PLXNB1: variants seen among roughly 807,000 people sequenced by gnomAD.
PLXNB1 encodes plexin B1, also known as plexin-B1.
A neutral mutation model predicts 209.4 loss-of-function variants in PLXNB1; 106 were observed. The ratio of observed to expected loss-of-function variants is 0.51; its 90% CI spans 0.43 to 0.59. The LOEUF (loss-of-function observed/expected upper bound fraction) is 0.59, where lower values mean the gene tolerates loss of function less well. PLXNB1 is among the 20% of genes least tolerant of loss of function. The pLI, the probability that PLXNB1 is intolerant of heterozygous loss-of-function variation, is 0.00. For synonymous variants in PLXNB1, 1,167 were observed against 1,183.2 expected (o/e 0.99, Z 0.28); for missense variants, 2,357 against 2,853.2 (o/e 0.83, Z 3.96).
chr3:48,416,615 A>C lies in PLXNB1; in HGVS notation c.3375-164T>G. 1 of 472,908 alleles carries C rather than the reference A, an allele frequency of 2.1e-6. No homozygotes were observed. Among genetic ancestry groups the C allele is most frequent in the Non-Finnish European group, 3.7e-6 (1 of 269,822 alleles). 29.3% of individuals were successfully genotyped at this position (472,908 alleles called of 1,614,324 possible). A position where few individuals can be genotyped will look rare whatever the true frequency, so the allele number is the denominator to read the frequency against. Reference sequence around the variant, plus strand: ...CACTTTGGAGGGAATTCTTTATGACACATCAGAAGGCCTTGGTATCTGAGA... The same window carrying C: ...CACTTTGGAGGGAATTCTTTATGACCCATCAGAAGGCCTTGGTATCTGAGA... On this transcript the variant is annotated intron_variant, in intron 16 of 37. Coordinates refer to ENST00000296440, the MANE Select transcript of PLXNB1 (RefSeq NM_001130082.3). The surrounding 1 kb of genome is among the most constrained non-coding windows in gnomAD (Gnocchi z 4.1).
At chr3:48,425,883 C>T (rs546622573) in intron 1 of PLXNB1, among the ~76,000 whole-genome samples, 8 of 152,214 alleles carry the variant, frequency 5.3e-5, no homozygotes, top group Admixed American at 2.0e-4. Flanking sequence ...CACAGTGACA[C>T]ACACAGACAC....
intron 37 of PLXNB1, among the ~76,000 whole-genome samples, chr3:48,404,962 A>G (rs2037224941): frequency 6.6e-6 from 1 of 152,150 alleles, no homozygotes; most frequent in African/African-American, 2.4e-5. Flanking sequence ...CGTGGTGGGA[A>G]AACAGACACT....
chr3:48,411,908 C>A lies in PLXNB1; in HGVS notation c.5202G>T (p.Leu1734Phe). 6.2e-7 allele frequency: 1 copy of A among 1,614,174 alleles called. No homozygotes were observed. The highest frequency in any genetic ancestry group is 8.5e-7 in the Non-Finnish European group (1 of 1,180,024). Residue 1734 changes from leucine (L) to phenylalanine (F), a missense_variant, in exon 28 of 38, where the codon TTG (leucine) becomes TTT (phenylalanine). Physicochemically the swap from Leu to Phe is conservative, Grantham distance 22. This residue lies in a region of PLXNB1 where 65 missense variants were observed against 127.6 expected (regional missense o/e 0.51). Transcript: ENST00000296440. The surrounding 1 kb of genome is among the most constrained non-coding windows in gnomAD (Gnocchi z 4.0). ...CCTCTCTGAGCAGGCGGTTGTCGTT[C>A]AAGGTGTATTTGGCCTTGCCTGTCA... ...DSVTGKAKYT[L>F]NDNRLLREDV...
intron 3 of PLXNB1, 59 bp from the exon 4 acceptor site, chr3:48,423,006 G>A (rs933651397): frequency 1.9e-5 from 29 of 1,493,526 alleles, no homozygotes; most frequent in Middle Eastern, 2.4e-4. Flanking sequence ...CGGCCGCATC[G>A]TCCCTGGACA....
rs1278500003 is a variant in PLXNB1, at chr3:48,404,303, G to T, written c.*183C>A. ...CTGGGTACTACCCCATGAGCCTTGAGGCCCCGGGTCTAGGAGGTGGATCCA... is the reference window on the plus strand; with the variant it reads ...CTGGGTACTACCCCATGAGCCTTGATGCCCCGGGTCTAGGAGGTGGATCCA... On this transcript the variant is annotated 3_prime_UTR_variant, in exon 38 of 38. Transcript: ENST00000296440. The T allele has an allele frequency of 1.7e-6, 1 of 582,356 alleles. No homozygotes were observed. The highest frequency in any genetic ancestry group is 3.2e-5 in the Admixed American group (1 of 31,604). The allele number at this position is 582,356 out of a possible 1,614,324, so 36.1% of individuals were successfully genotyped here.
Position 48,415,638 on chromosome 3 carries a change from T to C in PLXNB1, c.3739A>G (p.Lys1247Glu). ...GTGATGTTGGGGTCCAAGGTATACTTGAACTGTCCGCGTTGAAGCCTCCGC... is the reference window on the plus strand; with the variant it reads ...GTGATGTTGGGGTCCAAGGTATACTCGAACTGTCCGCGTTGAAGCCTCCGC... ...TERRLQRGQF[K>E]YTLDPNITSA... is the part of the protein sequence containing the mutation. Residue 1247 changes from lysine to glutamate, a missense_variant, in exon 19 of 38, where the codon AAG becomes GAG. Lys to Glu is a moderately conservative substitution (Grantham distance 56). Around this residue, in one of 7 missense-constraint regions of PLXNB1, gnomAD observed 743 missense variants for 896.2 expected, o/e 0.83. Transcript: ENST00000296440. The surrounding 1 kb of genome is among the most constrained non-coding windows in gnomAD (Gnocchi z 5.0). The C allele has an allele frequency of 6.3e-7, 1 of 1,582,088 alleles. No homozygotes were observed. Among genetic ancestry groups the C allele is most frequent in the Non-Finnish European group, 8.6e-7 (1 of 1,163,868 alleles).
rs1376072460 is a variant in PLXNB1 at position 48,417,102 on chromosome 3, A to G, written c.3375-651T>C. 6.6e-6 allele frequency among the ~76,000 whole-genome samples: 1 copy of G among 152,240 alleles called. No individual in the cohort carries two copies. The highest frequency in any genetic ancestry group is 1.9e-4 in the East Asian group (1 of 5,204). On this transcript the variant is annotated intron_variant, in intron 16 of 37. Transcript: ENST00000296440. The surrounding 1 kb of genome is among the most constrained non-coding windows in gnomAD (Gnocchi z 4.4). The stretch of plus-strand genomic sequence containing the variant: ...AGACAGAATATATGCTAATTGCTTC[A>G]TAAATCACAGCAGTCTTATGGTCTG...
rs760264904 is a variant in PLXNB1, at chr3:48,405,738, T to C, written c.6289A>G (p.Lys2097Glu). 1 of 1,613,476 alleles carries C rather than the reference T, an allele frequency of 6.2e-7. No individual in the cohort carries two copies. Among genetic ancestry groups the C allele is most frequent in the South Asian group, 1.1e-5 (1 of 91,056 alleles). ...ALHELYKYIN[K>E]YYDQIITALE... ...GGCCTGCCCACCTGGTCATAGTACT[T>C]GTTGATGTACTTGTAGAGTTCATGC... Residue 2097 changes from lysine (K) to glutamate (E), a missense_variant, in exon 37 of 38, where the codon AAG becomes GAG. By Grantham distance (56) the Lys-to-Glu change is moderately conservative. Around this residue, in one of 7 missense-constraint regions of PLXNB1, gnomAD observed 414 missense variants for 520.5 expected, o/e 0.80. Coordinates refer to ENST00000296440, the MANE Select transcript of PLXNB1 (RefSeq NM_001130082.3). The surrounding 1 kb of genome is among the most constrained non-coding windows in gnomAD (Gnocchi z 5.0).
Position 48,405,712 on chromosome 3 carries a change from G to A in PLXNB1, c.6303+12C>T, listed in dbSNP as rs770868370. The A allele has an allele frequency of 6.2e-6, 10 of 1,610,614 alleles. No homozygotes were observed. The highest frequency in any genetic ancestry group is 7.6e-6 in the Non-Finnish European group (9 of 1,177,688). The stretch of plus-strand genomic sequence containing the variant: ...GGGTCAGCCTCCCAGTCGGGGTCCA[G>A]GGCCTGCCCACCTGGTCATAGTACT... On this transcript the variant is annotated intron_variant, in intron 37 of 37. Transcript: ENST00000296440. This position sits in a 1 kb window ranked among gnomAD's most constrained non-coding sequence, Gnocchi z 5.0.
Position 48,416,534 on chromosome 3 carries a change from A to G in PLXNB1, c.3375-83T>C, listed in dbSNP as rs889491530. ...ACCTGGCAGCCCCTCTCCCTGCCCT[A>G]CTGTCAGGTGGTCTTCCCCTTCCCA... On this transcript the variant is annotated intron_variant, in intron 16 of 37. Transcript: ENST00000296440. This position sits in a 1 kb window ranked among gnomAD's most constrained non-coding sequence, Gnocchi z 4.1. The G allele has an allele frequency of 9.5e-6, 8 of 844,946 alleles. No homozygotes were observed. In the East Asian group the frequency reaches 1.5e-4, roughly 16 times the overall value. 52.3% of individuals were successfully genotyped at this position (844,946 alleles called of 1,614,324 possible).
chr3:48,413,316 C>T lies in PLXNB1; in HGVS notation c.4536-147G>A, dbSNP rs559797370. On this transcript the variant is annotated intron_variant, in intron 23 of 37. Coordinates refer to ENST00000296440, the MANE Select transcript of PLXNB1 (RefSeq NM_001130082.3). This position sits in a 1 kb window ranked among gnomAD's most constrained non-coding sequence, Gnocchi z 5.4. ...AGCTCAAGCCTAGCCCAGTACGATT[C>T]AGCCTGTCCCGTCCCAAGCAAGTCA... 3.0e-5 allele frequency: 20 copies of T among 677,912 alleles called. No individual in the cohort carries two copies. In the South Asian group the frequency reaches 3.3e-4, roughly 11 times the overall value. The allele number at this position is 677,912 out of a possible 1,614,324, so 42.0% of individuals were successfully genotyped here.
rs748948370 is a variant in PLXNB1 at position 48,415,326 on chromosome 3, G to A, written c.3816C>T (p.Val1272=). 4 of 1,613,408 alleles carry A rather than the reference G, an allele frequency of 2.5e-6. No homozygotes were observed. The highest frequency in any genetic ancestry group is 1.3e-5 in the African/African-American group (1 of 74,912). ...GTACCACGTCCAGATTCTGGCCACG[G>A]ACGCATATCTCACGTCCTCCACTGA... ...SFLSGGREIC[V]RGQNLDVVQT... Residue 1272 remains valine (V), a synonymous_variant, in exon 20 of 38, where the codon GTC becomes GTT. Coordinates refer to ENST00000296440, the MANE Select transcript of PLXNB1 (RefSeq NM_001130082.3). The surrounding 1 kb of genome is among the most constrained non-coding windows in gnomAD (Gnocchi z 5.0).
At position 48,413,446 on chromosome 3, in the gene PLXNB1, G is replaced by A; in HGVS notation, c.4535+224C>T. On this transcript the variant is annotated intron_variant, in intron 23 of 37. Transcript: ENST00000296440. The surrounding 1 kb of genome is among the most constrained non-coding windows in gnomAD (Gnocchi z 5.4). ...AACCTATTTTTATAAAGATTTGTTA[G>A]AACACAGCCACTTTCATGTGTTTCC... 1.7e-6 allele frequency: 1 copy of A among 605,750 alleles called. No homozygotes were observed. The highest frequency in any genetic ancestry group is 2.9e-6 in the Non-Finnish European group (1 of 344,688). 37.5% of individuals were successfully genotyped at this position (605,750 alleles called of 1,614,324 possible). A position where few individuals can be genotyped will look rare whatever the true frequency, so the allele number is the denominator to read the frequency against.
Position 48,410,273 on chromosome 3 carries a change from A to AC in PLXNB1, c.5605+22dup. 6.4e-7 allele frequency: 1 copy of AC among 1,573,450 alleles called. No individual in the cohort carries two copies. The highest frequency in any genetic ancestry group is 8.7e-7 in the Non-Finnish European group (1 of 1,152,604). On this transcript the variant is annotated intron_variant, in intron 31 of 37. Coordinates refer to ENST00000296440, the MANE Select transcript of PLXNB1 (RefSeq NM_001130082.3). The surrounding 1 kb of genome is among the most constrained non-coding windows in gnomAD (Gnocchi z 6.4). ...GGGCTGGGCACAGCAGGGGCAGAGG[A>AC]CCGTGATGGGAGCGGTACTCACGCT...
rs1248668812 is a variant in PLXNB1 at position 48,409,922 on chromosome 3, G to A, written c.5761C>T (p.Arg1921Cys). The change falls in exon 32 of 38, where the codon CGC becomes TGC. Residue 1921 changes from arginine (R) to cysteine (C), a missense_variant. By Grantham distance (180) the Arg-to-Cys change is radical. Coordinates refer to ENST00000296440, the MANE Select transcript of PLXNB1 (RefSeq NM_001130082.3). The surrounding 1 kb of genome is among the most constrained non-coding windows in gnomAD (Gnocchi z 5.8). ...AKAIPEIYLT[R>C]LLSMKGTLQK... is the part of the protein sequence containing the mutation. The stretch of plus-strand genomic sequence containing the variant: ...CACCCCACCTTCATGGACAGCAGGC[G>A]GGTCAGGTAGATCTCAGGGATGGCC... The A allele has an allele frequency of 1.9e-6, 3 of 1,611,168 alleles. No individual in the cohort carries two copies. Among genetic ancestry groups the A allele is most frequent in the African/African-American group, 1.3e-5 (1 of 74,908 alleles).
Position 48,417,393 on chromosome 3 carries a change from G to C in PLXNB1, c.3374+518C>G, listed in dbSNP as rs2038170184. Among the ~76,000 whole-genome samples, 1 of 152,238 alleles carries C rather than the reference G, an allele frequency of 6.6e-6. No homozygotes were observed. The highest frequency in any genetic ancestry group is 6.5e-5 in the Admixed American group (1 of 15,288). ...CTTTGGGGCCTGCAACCGCTGGCCAGGTTACCATAACCCAGGAGCCCCAGG... is the reference window on the plus strand; with the variant it reads ...CTTTGGGGCCTGCAACCGCTGGCCACGTTACCATAACCCAGGAGCCCCAGG... On this transcript the variant is annotated intron_variant, in intron 16 of 37. Transcript: ENST00000296440. This position sits in a 1 kb window ranked among gnomAD's most constrained non-coding sequence, Gnocchi z 4.4.
At position 48,412,919 on chromosome 3, in the gene PLXNB1, C is replaced by A; in HGVS notation, c.4677G>T (p.Leu1559=). 1 of 1,614,084 alleles carries A rather than the reference C, an allele frequency of 6.2e-7. No individual in the cohort carries two copies. Residue 1559 remains leucine (L), a synonymous_variant, in exon 25 of 38, where the codon CTG becomes CTT. Coordinates refer to ENST00000296440, the MANE Select transcript of PLXNB1 (RefSeq NM_001130082.3). ...TEMTDLTSDL[L]GSGIPFLDYK... Reference sequence around the variant, plus strand: ...AGTCGAGGAAGGGGATGCCGCTGCCCAGGAGGTCACTGGTGAGATCGGTCA... The same window carrying A: ...AGTCGAGGAAGGGGATGCCGCTGCCAAGGAGGTCACTGGTGAGATCGGTCA...
At chr3:48,425,866 C>T (rs528053716) in intron 1 of PLXNB1, among the ~76,000 whole-genome samples, 2 of 152,002 alleles carry the variant, frequency 1.3e-5, no homozygotes, top group South Asian at 4.2e-4. Flanking sequence ...GCCATCTATA[C>T]ACACAGCACA....
intron 1 of PLXNB1, among the ~76,000 whole-genome samples, chr3:48,426,595 G>C (rs1291221611): frequency 6.6e-6 from 1 of 152,244 alleles, no homozygotes; most frequent in Non-Finnish European, 1.5e-5. Context: ...CTCAGGGGAG[G>C]GTCCAGCAGC....
Sources: gnomAD v4.1 joint callset for allele counts (sites outside exome capture counted in the v4.1 genomes callset) on GRCh38, gnomAD v4.1.1 for gene constraint, gnomAD v4.1.1 regional missense constraint, Gnocchi (gnomAD v3.1) non-coding constraint, MANE v1.5 for transcripts, NCBI Gene and HGNC (gene_info 2026-07-23, HGNC 2026-07-21) for gene names.